The following SEC23B variants were observed in gnomAD, a reference collection of about 807,000 sequenced individuals.
SEC23B encodes the protein SEC23 homolog B, COPII component, also known as protein transport protein Sec23B.
SEC23B carries 77 observed loss-of-function variants against 104.3 expected under a neutral mutation model. The ratio of observed to expected loss-of-function variants is 0.74; its 90% CI spans 0.61 to 0.89. The LOEUF (loss-of-function observed/expected upper bound fraction) is 0.89, where lower values mean the gene tolerates loss of function less well. Among genes scored for constraint, SEC23B ranks in the 40% least tolerant of loss-of-function variants. SEC23B has a pLI of 0.00. For synonymous variants in SEC23B, 338 were observed against 332.5 expected (o/e 1.02, Z -0.18); for missense variants, 885 against 949.4 (o/e 0.93, Z 0.89).
intron 12 of SEC23B, among the ~76,000 whole-genome samples, chr20:18,540,486 A>G (rs2060277642): frequency 6.6e-6 from 1 of 152,226 alleles, no homozygotes; most frequent in Non-Finnish European, 1.5e-5. Flanking sequence ...TGTAGAGCAC[A>G]GGAAGCGTAG....
At chr20:18,516,088 C>G (rs926136027) in intron 4 of SEC23B, 2 of 269,650 alleles carry the variant, frequency 7.4e-6, no homozygotes, top group African/African-American at 4.5e-5. Context: ...ATCCCATTGG[C>G]TCTATATTTG....
intron 3 of SEC23B, among the ~76,000 whole-genome samples, chr20:18,513,041 A>T (rs1343465491): frequency 6.6e-6 from 1 of 152,184 alleles, no homozygotes; most frequent in Non-Finnish European, 1.5e-5. Context: ...AAAATTAGCC[A>T]GGAGTGGTGG....
At chr20:18,527,698 GC>G in intron 9 of SEC23B, 87 bp downstream of exon 9, 1 of 898,266 alleles carries the variant, frequency 1.1e-6, no homozygotes, top group Admixed American at 1.7e-5. Flanking sequence ...AATGGGCAAG[GC>G]CAACTCAGAG....
chr20:18,526,627 T>C, intron 8 of SEC23B, 96 bp downstream of exon 8: 2 of 1,302,684 alleles, frequency 1.5e-6, no homozygotes, highest in Non-Finnish European at 2.2e-6. Context: ...TCATGTGTCA[T>C]GGTCAGCAAG....
chr20:18,555,111 C>T lies in SEC23B; in HGVS notation c.2152C>T (p.Arg718Ter), dbSNP rs751349881. The stretch of plus-strand genomic sequence containing the variant: ...TTTGTTGTTGTTGTTGTTAAAGGCT[C>T]GATTCCTTTTGTCCAAAGTGAACCC... ...INTEHGGSQA[R>*]FLLSKVNPSQ... The change falls in exon 19 of 20, where the codon CGA becomes TGA. Residue 718 changes from arginine to a stop codon, truncating the protein, a stop_gained. Coordinates refer to ENST00000650089, the MANE Select transcript of SEC23B (RefSeq NM_006363.6). LOFTEE classifies it high-confidence loss of function. The T allele has an allele frequency of 8.1e-6, 13 of 1,613,134 alleles. No homozygotes were observed. Among genetic ancestry groups the T allele is most frequent in the African/African-American group, 4.0e-5 (3 of 74,838 alleles).
chr20:18,557,804 G>T (rs1416086068), intron 19 of SEC23B, among the ~76,000 whole-genome samples: 2 of 142,630 alleles, frequency 1.4e-5, no homozygotes, highest in Non-Finnish European at 3.0e-5. Flanking sequence ...CCAGGCTGGA[G>T]TGCAATGGTG....
rs3762201 is a variant in SEC23B at position 18,530,860 on chromosome 20, T to C, written c.1233+57T>C. Reference sequence around the variant, plus strand: ...ACTCACTGTACTGCCCAGGCTGGTCTCAAACTCCTGGTCTCAGGCAATTTT... The same window carrying C: ...ACTCACTGTACTGCCCAGGCTGGTCCCAAACTCCTGGTCTCAGGCAATTTT... On this transcript the variant is annotated intron_variant, in intron 10 of 19. Coordinates refer to ENST00000650089, the MANE Select transcript of SEC23B (RefSeq NM_006363.6). 0.76 allele frequency: 1,103,985 copies of C among 1,447,386 alleles called. 428,254 individuals carry two copies. The highest frequency in any genetic ancestry group is 0.81 in the Non-Finnish European group (838,003 of 1,040,568). 89.7% of individuals were successfully genotyped at this position (1,447,386 alleles called of 1,614,324 possible). A position where few individuals can be genotyped will look rare whatever the true frequency, so the allele number is the denominator to read the frequency against.
chr20:18,545,094 G>T (rs530867003), intron 14 of SEC23B, among the ~76,000 whole-genome samples: 1 of 152,186 alleles, frequency 6.6e-6, no homozygotes, highest in East Asian at 1.9e-4. Flanking sequence ...TATTTGGGTG[G>T]ATGTCCTGAC....
intron 12 of SEC23B, among the ~76,000 whole-genome samples, chr20:18,538,269 A>AT: frequency 1.6e-5 from 1 of 63,012 alleles, no homozygotes; most frequent in South Asian, 5.3e-4. Flanking sequence ...TTTTTTTTTG[A>AT]GACGGGGTCT....
At chr20:18,527,379 A>G in intron 8 of SEC23B, 117 bp from the exon 9 acceptor site, 1 of 769,158 alleles carries the variant, frequency 1.3e-6, no homozygotes, top group African/African-American at 1.7e-5. Flanking sequence ...CTCTGTCACA[A>G]AAAGAGAAAA....
intron 19 of SEC23B, among the ~76,000 whole-genome samples, chr20:18,558,048 G>A (rs1162020985): frequency 6.6e-6 from 1 of 152,114 alleles, no homozygotes; most frequent in Non-Finnish European, 1.5e-5. Context: ...ACCGCGCCTG[G>A]CCTACTTTTA....
intron 15 of SEC23B, 38 bp from the exon 16 acceptor site, chr20:18,548,571 A>AT: frequency 6.2e-7 from 1 of 1,604,360 alleles, no homozygotes; most frequent in Non-Finnish European, 8.5e-7. Context: ...GAAGGTTACA[A>AT]TTATATGCAT....
chr20:18,521,388 G>T (rs1407835608), intron 4 of SEC23B, among the ~76,000 whole-genome samples: 1 of 152,160 alleles, frequency 6.6e-6, no homozygotes, highest in Non-Finnish European at 1.5e-5. Context: ...GGACAGTAAA[G>T]CGTCTAAGGG....
chr20:18,532,866 C>A, intron 11 of SEC23B, 122 bp downstream of exon 11: 1 of 741,764 alleles, frequency 1.3e-6, no homozygotes, highest in Non-Finnish European at 2.5e-6. Flanking sequence ...AGGAGAAGGG[C>A]TAACCCTCAC....
chr20:18,538,541 C>A (rs539596711), intron 12 of SEC23B, among the ~76,000 whole-genome samples: 1 of 152,094 alleles, frequency 6.6e-6, no homozygotes, highest in Non-Finnish European at 1.5e-5. Flanking sequence ...GCGTGAGCCA[C>A]CATGCCTGGC....
intron 10 of SEC23B, among the ~76,000 whole-genome samples, chr20:18,531,772 A>G (rs1193962464): frequency 6.6e-6 from 1 of 151,686 alleles, no homozygotes; most frequent in Admixed American, 6.6e-5. Context: ...GTGTTAGGCC[A>G]GGCACGGTGG....
intron 4 of SEC23B, among the ~76,000 whole-genome samples, chr20:18,519,947 A>T (rs1367539084): frequency 6.6e-6 from 1 of 152,172 alleles, no homozygotes; most frequent in Non-Finnish European, 1.5e-5. Flanking sequence ...GACTGAAGTA[A>T]TGGGGGCTGT....
At chr20:18,534,110 A>T (rs1197128732) in intron 11 of SEC23B, among the ~76,000 whole-genome samples, 4 of 151,378 alleles carry the variant, frequency 2.6e-5, no homozygotes, top group Admixed American at 6.6e-5. Context: ...TGTTTGCCAC[A>T]TTTGCTTTAT....
chr20:18,544,610 T>C (rs1027034165), intron 14 of SEC23B, among the ~76,000 whole-genome samples: 2 of 152,092 alleles, frequency 1.3e-5, no homozygotes, highest in African/African-American at 2.4e-5. Context: ...TACACCTTGA[T>C]TGGGGAGCTC....
Sources: gnomAD v4.1 joint callset for allele counts (sites outside exome capture counted in the v4.1 genomes callset) on GRCh38, gnomAD v4.1.1 for gene constraint, MANE v1.5 for transcripts, NCBI Gene and HGNC (gene_info 2026-07-23, HGNC 2026-07-21) for gene names.